The following DPYSL3 variants were observed in gnomAD, a reference collection of about 807,000 sequenced individuals.
DPYSL3 encodes dihydropyrimidinase-related protein 3.
Under a neutral mutation model 66.1 loss-of-function variants are expected in DPYSL3, and 16 were observed. The observed-to-expected ratio is 0.24, with a 90% CI of 0.16 to 0.37. The LOEUF (loss-of-function observed/expected upper bound fraction) is 0.37, where lower values mean the gene tolerates loss of function less well. DPYSL3 is among the 10% of genes least tolerant of loss of function. The pLI, the probability that DPYSL3 is intolerant of heterozygous loss-of-function variation, is 1.00. For synonymous variants in DPYSL3, 338 were observed against 345.1 expected, an observed-to-expected ratio of 0.98 and a Z score of 0.23; for missense variants, 738 against 916.2, an observed-to-expected ratio of 0.81 and a Z score of 2.51.
At chr5:147,471,303 A>G (rs1432747552) in intron 1 of DPYSL3, among the ~76,000 whole-genome samples, 1 of 151,354 alleles carries the variant, frequency 6.6e-6, no homozygotes, top group Non-Finnish European at 1.5e-5. Flanking sequence ...AACTATTGAG[A>G]AAAAAAAAGA....
intron 1 of DPYSL3, among the ~76,000 whole-genome samples, chr5:147,468,799 T>C (rs879799639): frequency 2.0e-5 from 3 of 152,194 alleles, no homozygotes; most frequent in Admixed American, 6.5e-5. Context: ...TATGTATACA[T>C]GTGCCATGTT....
chr5:147,460,643 AC>A (rs1752917851), intron 1 of DPYSL3, among the ~76,000 whole-genome samples: 1 of 152,194 alleles, frequency 6.6e-6, no homozygotes. Flanking sequence ...GTGTCTAGAC[AC>A]CAGTATCTGT....
intron 3 of DPYSL3, among the ~76,000 whole-genome samples, chr5:147,418,040 C>G (rs1172258272): frequency 6.6e-6 from 1 of 152,208 alleles, no homozygotes; most frequent in African/African-American, 2.4e-5. Context: ...CCGTGATACT[C>G]CTTAGCTCCA....
At chr5:147,496,865 A>G (rs935204360) in intron 1 of DPYSL3, among the ~76,000 whole-genome samples, 1 of 152,118 alleles carries the variant, frequency 6.6e-6, no homozygotes, top group African/African-American at 2.4e-5. Flanking sequence ...ATCTAGAACT[A>G]GAAATACCAT....
At chr5:147,504,381 T>A (rs1254222889) in intron 1 of DPYSL3, among the ~76,000 whole-genome samples, 1 of 152,160 alleles carries the variant, frequency 6.6e-6, no homozygotes, top group African/African-American at 2.4e-5. Flanking sequence ...TCACAAACAC[T>A]TCCAAGTTTG....
intron 9 of DPYSL3, 133 bp from the exon 10 acceptor site, chr5:147,400,966 T>C: frequency 8.5e-7 from 1 of 1,170,068 alleles, no homozygotes; most frequent in Non-Finnish European, 1.2e-6. Flanking sequence ...TACCTCTTAC[T>C]AGATATATGA....
rs182013586 is a variant in DPYSL3 at position 147,394,152 on chromosome 5, A to G, written c.1967-29T>C. On this transcript the variant is annotated intron_variant, in intron 13 of 13. Coordinates refer to ENST00000343218, the MANE Select transcript of DPYSL3 (RefSeq NM_001197294.2). ...CAGTTGGAAATAAATTCCCAGGGGGAAAAAAAAAACAGAGTGGCGGGTAGG... is the reference window on the plus strand; with the variant it reads ...CAGTTGGAAATAAATTCCCAGGGGGGAAAAAAAAACAGAGTGGCGGGTAGG... 301 of 1,474,260 alleles carry G rather than the reference A, an allele frequency of 2.0e-4. No homozygotes were observed. The African/African-American group carries it at 3.0e-3, about 15-fold the overall frequency. The allele number at this position is 1,474,260 out of a possible 1,614,324, so 91.3% of individuals were successfully genotyped here.
At chr5:147,459,879 G>C (rs1752907429) in intron 1 of DPYSL3, among the ~76,000 whole-genome samples, 1 of 152,198 alleles carries the variant, frequency 6.6e-6, no homozygotes, top group African/African-American at 2.4e-5. Flanking sequence ...GGGAGGCAGA[G>C]GTGGGCGGGT....
chr5:147,418,832 G>T (rs1752026146), intron 2 of DPYSL3, among the ~76,000 whole-genome samples: 1 of 152,196 alleles, frequency 6.6e-6, no homozygotes, highest in African/African-American at 2.4e-5. Flanking sequence ...GTCACAGAAT[G>T]ATCTGATATG....
At chr5:147,471,685 A>G (rs1753087558) in intron 1 of DPYSL3, among the ~76,000 whole-genome samples, 1 of 152,158 alleles carries the variant, frequency 6.6e-6, no homozygotes. Context: ...GCAGAATCCA[A>G]AAAGACATCT....
rs1291201879 is a variant in DPYSL3, at chr5:147,392,478, T to A, written c.*1557A>T. 1.3e-5 allele frequency: 2 copies of A among 152,228 alleles called. No homozygotes were observed. Among genetic ancestry groups the A allele is most frequent in the African/African-American group, 4.8e-5 (2 of 41,442 alleles). The allele number at this position is 152,228 out of a possible 1,614,324, so 9.4% of individuals were successfully genotyped here. ...CTGCTCTTCTCTTCAAAGCACTTAG[T>A]ACACAGGGTTACAGGTGCTACCACT... On this transcript the variant is annotated 3_prime_UTR_variant, in exon 14 of 14. Coordinates refer to ENST00000343218, the MANE Select transcript of DPYSL3 (RefSeq NM_001197294.2).
intron 1 of DPYSL3, among the ~76,000 whole-genome samples, chr5:147,471,186 G>A (rs1753081490): frequency 6.6e-6 from 1 of 152,172 alleles, no homozygotes; most frequent in East Asian, 1.9e-4. Flanking sequence ...TAATGGGGAG[G>A]AGGAAAGTTC....
chr5:147,398,117 G>A (rs992760493), intron 11 of DPYSL3, among the ~76,000 whole-genome samples: 1 of 152,206 alleles, frequency 6.6e-6, no homozygotes, highest in African/African-American at 2.4e-5. Context: ...TCAAAGAGAA[G>A]CTGGATAACT....
intron 1 of DPYSL3, among the ~76,000 whole-genome samples, chr5:147,484,481 C>T (rs1313429377): frequency 1.3e-5 from 2 of 152,226 alleles, no homozygotes; most frequent in Admixed American, 6.5e-5. Flanking sequence ...CAACAACCTA[C>T]GTCCTTAGAG....
chr5:147,451,383 A>C (rs1752725262), intron 1 of DPYSL3, among the ~76,000 whole-genome samples: 1 of 152,234 alleles, frequency 6.6e-6, no homozygotes, highest in South Asian at 2.1e-4. Context: ...AAAGGATGGA[A>C]GCCGCACTGA....
intron 1 of DPYSL3, among the ~76,000 whole-genome samples, chr5:147,469,194 C>T (rs147602047): frequency 2.7e-4 from 41 of 152,300 alleles, no homozygotes; most frequent in African/African-American, 3.8e-4. Context: ...AGTAATACTC[C>T]GCATCACTGA....
chr5:147,403,916 AT>A (rs1348426572), intron 8 of DPYSL3, among the ~76,000 whole-genome samples: 8 of 152,100 alleles, frequency 5.3e-5, no homozygotes, highest in Non-Finnish European at 1.0e-4. Context: ...AGGGTTAGGA[AT>A]TTTTGTCCAT....
At chr5:147,488,868 A>T (rs1428907858) in intron 1 of DPYSL3, among the ~76,000 whole-genome samples, 1 of 152,006 alleles carries the variant, frequency 6.6e-6, no homozygotes, top group Non-Finnish European at 1.5e-5. Context: ...TACAAAAATT[A>T]GCCAGGTGTG....
intron 1 of DPYSL3, among the ~76,000 whole-genome samples, chr5:147,438,984 T>C (rs76193536): frequency 0.016 from 2,469 of 152,282 alleles, 34 homozygotes; most frequent in Non-Finnish European, 0.025. Context: ...ACAGAGTCCC[T>C]AGGATCATGG....
Sources: gnomAD v4.1 joint callset for allele counts (sites outside exome capture counted in the v4.1 genomes callset) on GRCh38, gnomAD v4.1.1 for gene constraint, MANE v1.5 for transcripts, NCBI Gene and HGNC (gene_info 2026-07-23, HGNC 2026-07-21) for gene names.